PLIN3: variants seen among roughly 807,000 people sequenced by gnomAD.
PLIN3 encodes perilipin-3.
In PLIN3, 30 loss-of-function variants were observed where a neutral mutation model predicts 35.9. That is an observed-to-expected ratio of 0.84 (90% CI 0.62 to 1.13). The LOEUF (loss-of-function observed/expected upper bound fraction) is 1.13, where lower values mean the gene tolerates loss of function less well. PLIN3 is among the 50% of genes most tolerant of loss of function. PLIN3 has a pLI of 0.00. For missense variants in PLIN3, 603 were observed against 596.9 expected, an observed-to-expected ratio of 1.01 and a Z score of -0.11; for synonymous variants, 261 against 262.5, an observed-to-expected ratio of 0.99 and a Z score of 0.06.
chr19:4,865,600 C>T (rs1019004338), intron 1 of PLIN3, among the ~76,000 whole-genome samples: 1 of 152,042 alleles, frequency 6.6e-6, no homozygotes, highest in African/African-American at 2.4e-5. Context: ...CATCTTTTCC[C>T]AGAGGAATGA....
intron 7 of PLIN3, among the ~76,000 whole-genome samples, chr19:4,842,337 G>A (rs566088242): frequency 3.2e-4 from 48 of 152,042 alleles, no homozygotes; most frequent in African/African-American, 1.1e-3. Flanking sequence ...ACTGAGGCAG[G>A]AAAATTGCTT....
rs145873253 is a variant in PLIN3 at position 4,851,379 on chromosome 19, G to A, written c.634+637C>T. 1.6e-3 allele frequency among the ~76,000 whole-genome samples: 240 copies of A among 152,208 alleles called. 1 individual carries two copies. Among genetic ancestry groups the A allele is most frequent in the African/African-American group, 5.3e-3 (221 of 41,532 alleles). ...CTCAGGAGGATGAGGCAGGAGACTC[G>A]CTTGAACCCAGGAGGCAGAGGTTGC... is the stretch of plus-strand genomic sequence containing the variant. On this transcript the variant is annotated intron_variant, in intron 5 of 7. Transcript: ENST00000221957.
rs968386027 is a variant in PLIN3 at position 4,840,932 on chromosome 19, G to A, written c.961-1396C>T. Among the ~76,000 whole-genome samples the A allele has an allele frequency of 3.0e-4, 46 of 152,196 alleles. 1 individual carries two copies. The highest frequency in any genetic ancestry group is 1.6e-3 in the Admixed American group (25 of 15,260). ...TGCACTCCAGCCTGGGCAACAGAGC[G>A]AGACTCTGTCTCAAAAACAAACAAA... On this transcript the variant is annotated intron_variant, in intron 7 of 7. Coordinates refer to ENST00000221957, the MANE Select transcript of PLIN3 (RefSeq NM_005817.5).
intron 5 of PLIN3, among the ~76,000 whole-genome samples, chr19:4,849,121 C>T (rs914829506): frequency 6.6e-5 from 10 of 151,702 alleles, no homozygotes; most frequent in African/African-American, 2.2e-4. Flanking sequence ...GCTGGGACTA[C>T]GGCAAGACAC....
At chr19:4,849,738 C>T (rs984645020) in intron 5 of PLIN3, among the ~76,000 whole-genome samples, 1 of 151,176 alleles carries the variant, frequency 6.6e-6, no homozygotes, top group Non-Finnish European at 1.5e-5. Context: ...CTGCAACCTC[C>T]GCCTCCCGGG....
Position 4,838,574 on chromosome 19 carries a change from T to TTTTC in PLIN3, c.*617_*618insGAAA. ...GTGGGATATGAACTATATCCCTGAT[T>TTTTC]TTTTTTTCTTTTTTTTTTTTTTTGA... On this transcript the variant is annotated 3_prime_UTR_variant, in exon 8 of 8. Transcript: ENST00000221957. 1 of 130,156 alleles carries TTTTC rather than the reference T, an allele frequency of 7.7e-6. No individual in the cohort carries two copies. 8.1% of individuals were successfully genotyped at this position (130,156 alleles called of 1,614,324 possible). A position where few individuals can be genotyped will look rare whatever the true frequency, so the allele number is the denominator to read the frequency against.
intron 4 of PLIN3, among the ~76,000 whole-genome samples, chr19:4,858,084 C>T (rs1288994077): frequency 6.6e-6 from 1 of 151,578 alleles, no homozygotes; most frequent in Non-Finnish European, 1.5e-5. Context: ...ACCATCCTGG[C>T]CAACTTGGTG....
intron 5 of PLIN3, 68 bp downstream of exon 5, chr19:4,851,948 G>A: frequency 6.7e-7 from 1 of 1,496,718 alleles, no homozygotes. Context: ...GACCCCAGGA[G>A]GCCGACAGCG....
Position 4,841,372 on chromosome 19 carries a change from CAG to C in PLIN3, c.961-1838_961-1837del, listed in dbSNP as rs146941045. On this transcript the variant is annotated intron_variant, in intron 7 of 7. Transcript: ENST00000221957. The stretch of plus-strand genomic sequence containing the variant: ...GAGAAGCCGGACACAAAAGGCCAAA[CAG>C]GGTGTGATCCCATTTCTATGAAATG... Among the ~76,000 whole-genome samples, 1,038 of 152,216 alleles carry C rather than the reference CAG, an allele frequency of 6.8e-3. 14 individuals carry two copies. The highest frequency in any genetic ancestry group is 0.022 in the African/African-American group (931 of 41,538).
intron 7 of PLIN3, among the ~76,000 whole-genome samples, chr19:4,840,410 A>C (rs1169551224): frequency 1.3e-5 from 2 of 151,802 alleles, no homozygotes; most frequent in Non-Finnish European, 2.9e-5. Context: ...ACTCACTACC[A>C]CGCCCAGCTA....
In PLIN3 at chr19:4,844,794, C is replaced by A. The variant is rs775921986; in HGVS notation, c.835-1G>T. On this transcript the variant is annotated splice_acceptor_variant, in intron 6 of 7. Coordinates refer to ENST00000221957, the MANE Select transcript of PLIN3 (RefSeq NM_005817.5). LOFTEE classifies it high-confidence loss of function. The stretch of plus-strand genomic sequence containing the variant: ...CAACGCCTTGCTTGACAGTTTCCAT[C>A]TGGGGCAGGGGAGAGAGAAGTGAGG... 2 of 1,594,872 alleles carry A rather than the reference C, an allele frequency of 1.3e-6. No individual in the cohort carries two copies. The highest frequency in any genetic ancestry group is 2.3e-5 in the East Asian group (1 of 44,344).
In PLIN3 at chr19:4,867,514, G is replaced by A. The variant is rs527495421; in HGVS notation, c.-18+95C>T. On this transcript the variant is annotated intron_variant, in intron 1 of 7. Transcript: ENST00000221957. ...CGCAGAGTCCAGCAAATCCCACCCC[G>A]AGAAAGGCCCTCCCCGACCCCTCCG... The A allele has an allele frequency of 5.3e-4, 80 of 151,962 alleles. No homozygotes were observed. In the East Asian group the frequency reaches 0.013, roughly 25 times the overall value. 9.4% of individuals were successfully genotyped at this position (151,962 alleles called of 1,614,324 possible).
At chr19:4,849,305 T>C (rs993705989) in intron 5 of PLIN3, among the ~76,000 whole-genome samples, 1 of 151,744 alleles carries the variant, frequency 6.6e-6, no homozygotes, top group Non-Finnish European at 1.5e-5. Context: ...GATCTGTTTG[T>C]TTTGTCGGTT....
intron 3 of PLIN3, 71 bp downstream of exon 3, chr19:4,859,755 T>C (rs938913879): frequency 2.0e-5 from 32 of 1,596,768 alleles, no homozygotes; most frequent in Non-Finnish European, 2.6e-5. Context: ...AAGAGCTGGG[T>C]AGACCCCCCT....
At chr19:4,850,859 C>T (rs796131266) in intron 5 of PLIN3, among the ~76,000 whole-genome samples, 12 of 152,062 alleles carry the variant, frequency 7.9e-5, no homozygotes, top group African/African-American at 2.9e-4. Context: ...GCTGAGCCAC[C>T]GCGCCCTGCC....
chr19:4,849,848 T>C (rs544362349), intron 5 of PLIN3, among the ~76,000 whole-genome samples: 11 of 151,646 alleles, frequency 7.3e-5, no homozygotes, highest in African/African-American at 2.7e-4. Flanking sequence ...AGATGGGGTT[T>C]CACCATGTTG....
In PLIN3 at chr19:4,867,638, T is replaced by G. The variant is rs262560; in HGVS notation, c.-47A>C. On this transcript the variant is annotated 5_prime_UTR_variant, in exon 1 of 8. Coordinates refer to ENST00000221957, the MANE Select transcript of PLIN3 (RefSeq NM_005817.5). ...GTCAACCGGACGTCCCAGGAACAGCTGCCGCGACTTCAAAACCAGCTTGGA... is the reference window on the plus strand; with the variant it reads ...GTCAACCGGACGTCCCAGGAACAGCGGCCGCGACTTCAAAACCAGCTTGGA... 0.91 allele frequency: 138,678 copies of G among 152,224 alleles called. 63,228 individuals carry two copies. Among genetic ancestry groups the G allele is most frequent in the East Asian group, 0.93 (4,793 of 5,130 alleles). 9.4% of individuals were successfully genotyped at this position (152,224 alleles called of 1,614,324 possible).
intron 5 of PLIN3, among the ~76,000 whole-genome samples, chr19:4,850,830 C>CA (rs1432247476): frequency 6.6e-6 from 1 of 151,870 alleles, no homozygotes; most frequent in East Asian, 2.0e-4. Context: ...CTCGGCCCAC[C>CA]AAAGTGCTGG....
At chr19:4,842,908 T>C (rs1233944501) in intron 7 of PLIN3, among the ~76,000 whole-genome samples, 2 of 152,080 alleles carry the variant, frequency 1.3e-5, no homozygotes, top group African/African-American at 4.8e-5. Flanking sequence ...TTTGATATGA[T>C]CTCATTTCAG....
Sources: allele counts gnomAD v4.1 joint callset (sites outside exome capture counted in the v4.1 genomes callset), GRCh38; gene constraint gnomAD v4.1.1; transcripts MANE v1.5; gene names NCBI Gene and HGNC (gene_info 2026-07-23, HGNC 2026-07-21).